Variants in TMTC2 observed in about 807,000 individuals in gnomAD.
TMTC2 encodes protein O-mannosyl-transferase TMTC2.
Under a neutral mutation model 82.4 loss-of-function variants are expected in TMTC2, and 43 were observed. The observed-to-expected ratio is 0.52, with a 90% CI of 0.41 to 0.67. TMTC2 has a LOEUF of 0.67. Ranked by LOEUF, TMTC2 falls within the 30% of genes least tolerant of loss-of-function variation. The pLI is 0.00. For synonymous variants in TMTC2, 408 were observed against 381.9 expected (o/e 1.07, Z -0.80); for missense variants, 919 against 1,012.4 (o/e 0.91, Z 1.25).
At chr12:82,977,533 T>A (rs1441436860) in intron 7 of TMTC2, among the ~76,000 whole-genome samples, 3 of 151,818 alleles carry the variant, frequency 2.0e-5, no homozygotes, top group Non-Finnish European at 1.5e-5. Flanking sequence ...ATTGAGTAAA[T>A]CTTTGGGAAA....
chr12:82,947,933 T>A (rs1362889996), intron 4 of TMTC2, among the ~76,000 whole-genome samples: 1 of 152,194 alleles, frequency 6.6e-6, no homozygotes, highest in Non-Finnish European at 1.5e-5. Context: ...TCTACCAATT[T>A]GGCTCCTGCT....
chr12:83,005,277 C>T (rs1246005130), intron 8 of TMTC2, among the ~76,000 whole-genome samples: 1 of 141,996 alleles, frequency 7.0e-6, no homozygotes, highest in Non-Finnish European at 1.5e-5. Context: ...TGCAATGAGC[C>T]GAGACTGCGC....
intron 11 of TMTC2, among the ~76,000 whole-genome samples, chr12:83,110,878 C>T (rs574622035): frequency 6.6e-6 from 1 of 152,334 alleles, no homozygotes. Flanking sequence ...TTATCTCCCA[C>T]CCAGGTCTTT....
In TMTC2 at chr12:82,942,217, G is replaced by T. The variant is rs537504255; in HGVS notation, c.1598+11672G>T. Among the ~76,000 whole-genome samples the T allele has an allele frequency of 7.9e-5, 12 of 152,282 alleles. No individual in the cohort carries two copies. In the South Asian group the frequency reaches 2.5e-3, roughly 32 times the overall value. ...AATATGTTACTTAAATGGATAACCA[G>T]CCAAGGGATATTTCAGCAAAATACA... is the stretch of plus-strand genomic sequence containing the variant. On this transcript the variant is annotated intron_variant, in intron 4 of 11. Transcript: ENST00000321196.
At chr12:83,075,089 T>G (rs1204064035) in intron 11 of TMTC2, among the ~76,000 whole-genome samples, 1 of 152,126 alleles carries the variant, frequency 6.6e-6, no homozygotes, top group Non-Finnish European at 1.5e-5. Flanking sequence ...CTCAGCTCTC[T>G]AAATTGACTC....
In TMTC2 at chr12:83,132,235, G is replaced by T; in HGVS notation, c.2357G>T (p.Gly786Val). 6.2e-7 allele frequency: 1 copy of T among 1,612,392 alleles called. No individual in the cohort carries two copies. The highest frequency in any genetic ancestry group is 8.5e-7 in the Non-Finnish European group (1 of 1,179,356). ...PNYPAALMNL[G>V]AILHLNGRLQ... is the part of the protein sequence containing the mutation. ...TATCCGGCTGCTTTGATGAACCTGGGAGCCATTCTGCACCTCAATGGCAGA... is the reference window on the plus strand; with the variant it reads ...TATCCGGCTGCTTTGATGAACCTGGTAGCCATTCTGCACCTCAATGGCAGA... Residue 786 changes from glycine (G) to valine (V), a missense_variant, in exon 12 of 12, where the codon GGA becomes GTA. By Grantham distance (109) the Gly-to-Val change is moderately radical (BLOSUM62 -3). Coordinates refer to ENST00000321196, the MANE Select transcript of TMTC2 (RefSeq NM_152588.3).
intron 1 of TMTC2, among the ~76,000 whole-genome samples, chr12:82,831,243 A>G (rs1174726609): frequency 3.3e-5 from 5 of 152,188 alleles, no homozygotes; most frequent in African/African-American, 1.2e-4. Context: ...TTCTGGTTTG[A>G]CCACCTAACC....
At position 82,965,667 on chromosome 12, in the gene TMTC2, C is replaced by G. The variant is rs1412217974; in HGVS notation, c.1792C>G (p.Pro598Ala). 6.2e-7 allele frequency: 1 copy of G among 1,613,630 alleles called. No homozygotes were observed. Among genetic ancestry groups the G allele is most frequent in the Non-Finnish European group, 8.5e-7 (1 of 1,179,786 alleles). Residue 598 changes from proline (P) to alanine (A), a missense_variant, in exon 6 of 12, where the codon CCT becomes GCT. Coordinates refer to ENST00000321196, the MANE Select transcript of TMTC2 (RefSeq NM_152588.3). ...GATCCCAGATGAAAACCTAAAGGACCCTCATGCACACAAGAGCTCTGTTAC... is the reference window on the plus strand; with the variant it reads ...GATCCCAGATGAAAACCTAAAGGACGCTCATGCACACAAGAGCTCTGTTAC... ...SEIPDENLKDPHAHKSSVTSC... is the reference protein window; with the variant it reads ...SEIPDENLKDAHAHKSSVTSC...
chr12:83,029,672 C>T (rs183913257), intron 8 of TMTC2, among the ~76,000 whole-genome samples: 117 of 152,254 alleles, frequency 7.7e-4, no homozygotes, highest in African/African-American at 2.7e-3. Flanking sequence ...TCATCCCAGC[C>T]ATGCCAAACA....
At chr12:83,028,537 T>C (rs1881275973) in intron 8 of TMTC2, among the ~76,000 whole-genome samples, 1 of 152,198 alleles carries the variant, frequency 6.6e-6, no homozygotes, top group Non-Finnish European at 1.5e-5. Flanking sequence ...TTCTATGAAT[T>C]TGGGCAAGTG....
At chr12:82,864,281 A>G (rs2137125294) in intron 2 of TMTC2, among the ~76,000 whole-genome samples, 1 of 152,060 alleles carries the variant, frequency 6.6e-6, no homozygotes, top group South Asian at 2.1e-4. Flanking sequence ...CATGGTTTCA[A>G]AATGTGCTCC....
In TMTC2 at chr12:83,133,411, C is replaced by T. The variant is rs1437036284; in HGVS notation, c.*1022C>T. The T allele has an allele frequency of 6.6e-6, 1 of 152,058 alleles. No homozygotes were observed. Among genetic ancestry groups the T allele is most frequent in the Non-Finnish European group, 1.5e-5 (1 of 68,006 alleles). The allele number at this position is 152,058 out of a possible 1,614,324, so 9.4% of individuals were successfully genotyped here. On this transcript the variant is annotated 3_prime_UTR_variant, in exon 12 of 12. Transcript: ENST00000321196. ...TTTGTGTTTTGGAAAGGGTAGGTAT[C>T]GAATGTTAATCACTTTCTAATGGGT...
intron 11 of TMTC2, among the ~76,000 whole-genome samples, chr12:83,095,654 T>C (rs567432166): frequency 6.6e-6 from 1 of 152,296 alleles, no homozygotes; most frequent in African/African-American, 2.4e-5. Flanking sequence ...TAATAAACTG[T>C]AGCTTTACCA....
chr12:83,129,995 T>C (rs993400806), intron 11 of TMTC2, among the ~76,000 whole-genome samples: 1 of 152,158 alleles, frequency 6.6e-6, no homozygotes, highest in African/African-American at 2.4e-5. Flanking sequence ...ACTTTGGTAA[T>C]AAAGTGATTC....
intron 8 of TMTC2, among the ~76,000 whole-genome samples, chr12:83,020,272 A>G (rs1488017807): frequency 1.3e-5 from 2 of 152,176 alleles, no homozygotes; most frequent in Non-Finnish European, 2.9e-5. Context: ...CACTGGGCAC[A>G]TGGTAGGTGC....
intron 8 of TMTC2, 52 bp downstream of exon 8, chr12:82,986,098 C>G (rs374238343): frequency 6.2e-7 from 1 of 1,612,290 alleles, no homozygotes; most frequent in Non-Finnish European, 8.5e-7. Context: ...CCATGCAGAC[C>G]GGGATAGATG....
chr12:83,089,847 C>CAAAAAAA (rs200273951), intron 11 of TMTC2, among the ~76,000 whole-genome samples: 6 of 135,760 alleles, frequency 4.4e-5, no homozygotes, highest in African/African-American at 1.7e-4. Flanking sequence ...AAACAAAAAA[C>CAAAAAAA]AAAAAAAAAA....
intron 11 of TMTC2, among the ~76,000 whole-genome samples, chr12:83,107,337 G>T (rs944253893): frequency 1.2e-4 from 19 of 152,180 alleles, no homozygotes; most frequent in Admixed American, 1.3e-4. Context: ...TTGCAGTTCT[G>T]GAAGTTGAGA....
chr12:82,911,962 A>G (rs1488546388), intron 3 of TMTC2, among the ~76,000 whole-genome samples: 2 of 152,156 alleles, frequency 1.3e-5, no homozygotes, highest in African/African-American at 4.8e-5. Context: ...AACAACAAAA[A>G]CATCATCTTG....
Sources: allele counts gnomAD v4.1 joint callset (sites outside exome capture counted in the v4.1 genomes callset), GRCh38; gene constraint gnomAD v4.1.1; transcripts MANE v1.5; gene names NCBI Gene and HGNC (gene_info 2026-07-23, HGNC 2026-07-21).